Variants in CDH18 observed in about 807,000 individuals in gnomAD.
CDH18 encodes cadherin 18.
A neutral mutation model predicts 67.9 loss-of-function variants in CDH18; 31 were observed. The observed-to-expected ratio is 0.46, with a 90% confidence interval of 0.34 to 0.62. The LOEUF is 0.62. Among genes scored for constraint, CDH18 ranks in the 20% least tolerant of loss-of-function variants. CDH18 has a pLI of 0.01. For missense variants in CDH18, 890 were observed against 975.5 expected, an observed-to-expected ratio of 0.91 and a Z score of 1.17; for synonymous variants, 362 against 347.2, an observed-to-expected ratio of 1.04 and a Z score of -0.48.
chr5:20,575,560 A>C (rs1267407940), exon 1 of CDH18: 7 of 152,122 alleles, frequency 4.6e-5, no homozygotes, highest in Admixed American at 4.6e-4. Context: ...TTAATGATGC[A>C]GGAGTAAGAT....
At chr5:20,413,175 T>TAA (rs1458486683) in intron 1 of CDH18, among the ~76,000 whole-genome samples, 1 of 152,210 alleles carries the variant, frequency 6.6e-6, no homozygotes, top group Non-Finnish European at 1.5e-5. Context: ...TATTCCGTGG[T>TAA]GTATATGTGC....
intron 8 of CDH18, among the ~76,000 whole-genome samples, chr5:19,557,555 T>C (rs1332301580): frequency 6.6e-6 from 1 of 151,996 alleles, no homozygotes; most frequent in Non-Finnish European, 1.5e-5. Context: ...TATGTAATGA[T>C]AAAAGAACTA....
intron 6 of CDH18, among the ~76,000 whole-genome samples, chr5:19,605,560 A>C (rs1463969806): frequency 6.6e-6 from 1 of 152,006 alleles, no homozygotes; most frequent in Non-Finnish European, 1.5e-5. Flanking sequence ...ACTTAAGTGG[A>C]ATGATCTTTC....
intron 3 of CDH18, among the ~76,000 whole-genome samples, chr5:19,803,462 T>C (rs1215173593): frequency 6.6e-6 from 1 of 152,202 alleles, no homozygotes; most frequent in African/African-American, 2.4e-5. Flanking sequence ...CTAGCCACAT[T>C]TGAAATGTGC....
chr5:20,360,497 T>C (rs142500015), intron 1 of CDH18, among the ~76,000 whole-genome samples: 1 of 152,294 alleles, frequency 6.6e-6, no homozygotes. Context: ...TACAATTTGG[T>C]TGGAATTCTG....
chr5:19,570,054 G>T (rs991202313), intron 8 of CDH18, among the ~76,000 whole-genome samples: 1 of 151,874 alleles, frequency 6.6e-6, no homozygotes, highest in Non-Finnish European at 1.5e-5. Context: ...ATTCCCAAAA[G>T]ATATTGGGTG....
At chr5:20,471,509 T>C (rs80197032) in intron 1 of CDH18, among the ~76,000 whole-genome samples, 8,316 of 151,948 alleles carry the variant, frequency 0.055, 745 homozygotes, top group African/African-American at 0.19. Flanking sequence ...TATTTACAGT[T>C]TTTACAAAGC....
At chr5:20,492,701 A>G (rs1320744659) in intron 1 of CDH18, among the ~76,000 whole-genome samples, 1 of 152,218 alleles carries the variant, frequency 6.6e-6, no homozygotes, top group Non-Finnish European at 1.5e-5. Flanking sequence ...ATGTACTTAT[A>G]ATTACACAAT....
intron 1 of CDH18, among the ~76,000 whole-genome samples, chr5:20,320,828 A>G (rs1737949747): frequency 6.6e-6 from 1 of 152,042 alleles, no homozygotes; most frequent in Admixed American, 6.6e-5. Context: ...GAGAACAACC[A>G]CGGCCACCCT....
chr5:19,651,377 T>C (rs990146868), intron 5 of CDH18, among the ~76,000 whole-genome samples: 2 of 152,092 alleles, frequency 1.3e-5, no homozygotes, highest in African/African-American at 4.8e-5. Flanking sequence ...CATTTCTTCA[T>C]AGGTAGTTCA....
intron 1 of CDH18, among the ~76,000 whole-genome samples, chr5:20,334,521 A>G (rs1291929183): frequency 1.3e-5 from 2 of 152,110 alleles, no homozygotes; most frequent in Admixed American, 1.3e-4. Flanking sequence ...AACTCAGGAA[A>G]AAACGATTGA....
chr5:19,618,990 T>C (rs559041825), intron 5 of CDH18, among the ~76,000 whole-genome samples: 7 of 151,986 alleles, frequency 4.6e-5, no homozygotes, highest in African/African-American at 7.2e-5. Context: ...ATTCTTTATG[T>C]TATCTACACA....
intron 2 of CDH18, among the ~76,000 whole-genome samples, chr5:20,197,628 T>C (rs1040048112): frequency 7.2e-5 from 11 of 152,216 alleles, no homozygotes; most frequent in African/African-American, 2.7e-4. Flanking sequence ...ACAATCTTGC[T>C]ATTTGCTGTT....
intron 7 of CDH18, among the ~76,000 whole-genome samples, chr5:19,581,650 T>A (rs1014883660): frequency 1.3e-5 from 2 of 152,054 alleles, no homozygotes; most frequent in African/African-American, 4.8e-5. Flanking sequence ...AGCATCCAGA[T>A]TTTAGTTCCA....
intron 2 of CDH18, among the ~76,000 whole-genome samples, chr5:19,960,390 CT>C (rs534007531): frequency 5.6e-4 from 85 of 151,612 alleles, no homozygotes; most frequent in African/African-American, 2.0e-3. Context: ...CCTATGCTAG[CT>C]CATGATCATC....
At chr5:20,558,583 G>A (rs1235498257) in intron 1 of CDH18, among the ~76,000 whole-genome samples, 1 of 151,982 alleles carries the variant, frequency 6.6e-6, no homozygotes, top group African/African-American at 2.4e-5. Flanking sequence ...CCATAGACAG[G>A]ATTATTGATG....
chr5:20,324,896 G>T (rs921110161), intron 1 of CDH18, among the ~76,000 whole-genome samples: 1 of 152,114 alleles, frequency 6.6e-6, no homozygotes, highest in Non-Finnish European at 1.5e-5. Context: ...ATTAGAATCA[G>T]TTGTAACATC....
chr5:19,770,328 A>C (rs1773589394), intron 3 of CDH18, among the ~76,000 whole-genome samples: 1 of 152,096 alleles, frequency 6.6e-6, no homozygotes, highest in Non-Finnish European at 1.5e-5. Flanking sequence ...AAAAAACATA[A>C]TCAGCAGATT....
chr5:20,161,131 TG>T (rs1735859794), intron 2 of CDH18, among the ~76,000 whole-genome samples: 1 of 152,208 alleles, frequency 6.6e-6, no homozygotes, highest in East Asian at 1.9e-4. Flanking sequence ...TGCCTACTGC[TG>T]GTTTGAAACA....
Sources: allele counts gnomAD v4.1 joint callset (sites outside exome capture counted in the v4.1 genomes callset), GRCh38; gene constraint gnomAD v4.1.1; transcripts MANE v1.5; gene names NCBI Gene and HGNC (gene_info 2026-07-23, HGNC 2026-07-21).